OIT3: variants seen among roughly 807,000 people sequenced by gnomAD.
OIT3 encodes the protein oncoprotein-induced transcript 3 protein.
OIT3 carries 41 observed loss-of-function variants against 52.2 expected under a neutral mutation model. That is an observed-to-expected ratio of 0.79 (90% confidence interval 0.61 to 1.02). The LOEUF is 1.02. Among genes scored for constraint, OIT3 ranks in the 50% least tolerant of loss-of-function variants. OIT3 has a pLI of 0.00. For missense variants in OIT3, 634 were observed against 715.5 expected, an observed-to-expected ratio of 0.89 and a Z score of 1.30; for synonymous variants, 244 against 276.9, an observed-to-expected ratio of 0.88 and a Z score of 1.18.
At position 72,898,189 on chromosome 10, in the gene OIT3, G is replaced by C. The variant is rs150093298; in HGVS notation, c.62-475G>C. ...GTGGTCCCAGCTACTTCAGAGGCTG[G>C]GTGGGGAGGATCACTTGAGCCCAGG... On this transcript the variant is annotated intron_variant, in intron 1 of 8. Transcript: ENST00000334011. Among the ~76,000 whole-genome samples the C allele has an allele frequency of 6.5e-3, 989 of 151,818 alleles. 15 individuals carry two copies. Among genetic ancestry groups the C allele is most frequent in the African/African-American group, 0.023 (934 of 41,404 alleles).
chr10:72,915,655 G>T (rs986704032), intron 6 of OIT3, among the ~76,000 whole-genome samples: 2 of 152,068 alleles, frequency 1.3e-5, no homozygotes, highest in Non-Finnish European at 2.9e-5. Flanking sequence ...TAGCCTCCTT[G>T]TGCTTAGGAT....
At chr10:72,930,812 G>A (rs532157157) in intron 8 of OIT3, among the ~76,000 whole-genome samples, 175 bp downstream of exon 8, 8 of 151,020 alleles carry the variant, frequency 5.3e-5, no homozygotes, top group African/African-American at 7.3e-5. Context: ...TGTCACACCC[G>A]CCCTGCCTGC....
intron 1 of OIT3, 121 bp from the exon 2 acceptor site, chr10:72,898,543 T>A (rs1845897215): frequency 1.1e-5 from 10 of 917,714 alleles, no homozygotes; most frequent in Non-Finnish European, 1.7e-5. Context: ...TTTGTGACCT[T>A]AACTAATTTC....
intron 1 of OIT3, among the ~76,000 whole-genome samples, chr10:72,897,765 T>C (rs1191131229): frequency 1.3e-5 from 2 of 152,216 alleles, no homozygotes; most frequent in Non-Finnish European, 2.9e-5. Context: ...CATGACTGGA[T>C]AGCTGAACTG....
intron 3 of OIT3, among the ~76,000 whole-genome samples, chr10:72,904,219 G>T (rs1845959139): frequency 6.6e-6 from 1 of 152,138 alleles, no homozygotes; most frequent in South Asian, 2.1e-4. Flanking sequence ...CCTTAGAGTT[G>T]TAAGCCCTTA....
chr10:72,903,508 G>A (rs919114857), intron 3 of OIT3, among the ~76,000 whole-genome samples: 8 of 152,152 alleles, frequency 5.3e-5, no homozygotes, highest in Admixed American at 2.6e-4. Flanking sequence ...GATTACAGGC[G>A]TGAGCCACCA....
In OIT3 at chr10:72,924,243, G is replaced by C. The variant is rs1846147244; in HGVS notation, c.966G>C (p.Lys322Asn). Residue 322 changes from lysine to asparagine, a missense_variant, in exon 7 of 9, where the codon AAG (lysine) becomes AAC (asparagine). Lys to Asn is a moderately conservative substitution (Grantham distance 94, BLOSUM62 0). Transcript: ENST00000334011. ...GCCTGGCTCAGGTGGTGAATGACAA[G>C]ATTGTGGCCAGCAACCTCGTGACAG... The part of the protein sequence containing the change: ...CGTVVDVVND[K>N]IVASNLVTGL... 1 of 1,597,086 alleles carries C rather than the reference G, an allele frequency of 6.3e-7. No individual in the cohort carries two copies. Among genetic ancestry groups the C allele is most frequent in the African/African-American group, 1.3e-5 (1 of 74,640 alleles).
At chr10:72,929,445 T>G (rs1040130568) in intron 7 of OIT3, among the ~76,000 whole-genome samples, 1 of 151,882 alleles carries the variant, frequency 6.6e-6, no homozygotes, top group Non-Finnish European at 1.5e-5. Context: ...TTCATGAATA[T>G]CCAAAACTTT....
At chr10:72,913,784 T>G (rs1015649977) in intron 6 of OIT3, 1 of 434,874 alleles carries the variant, frequency 2.3e-6, no homozygotes, top group Non-Finnish European at 4.5e-6. Context: ...AATTATTTTA[T>G]TTGAAGAAAG....
intron 7 of OIT3, among the ~76,000 whole-genome samples, chr10:72,927,054 G>A (rs972319017): frequency 9.9e-5 from 15 of 152,104 alleles, no homozygotes; most frequent in African/African-American, 1.9e-4. Context: ...TGAGAAAAAC[G>A]TAACCTACAA....
chr10:72,930,677 G>T, intron 8 of OIT3, 40 bp downstream of exon 8: 13 of 952,918 alleles, frequency 1.4e-5, no homozygotes, highest in East Asian at 2.6e-5. Flanking sequence ...CTGAACCTGA[G>T]CCTTTTTTTT....
At chr10:72,900,609 C>A in intron 3 of OIT3, 125 bp downstream of exon 3, 1 of 619,314 alleles carries the variant, frequency 1.6e-6, no homozygotes, top group Admixed American at 3.0e-5. Context: ...ATGGTGTTTG[C>A]TTTTTAGTTT....
intron 6 of OIT3, chr10:72,917,770 T>G: frequency 7.1e-7 from 1 of 1,414,878 alleles, no homozygotes; most frequent in Non-Finnish European, 9.9e-7. Flanking sequence ...CTTGCTTGCA[T>G]TTTTGCTTTA....
intron 7 of OIT3, among the ~76,000 whole-genome samples, chr10:72,925,333 C>T (rs761433122): frequency 2.0e-5 from 3 of 152,094 alleles, no homozygotes; most frequent in Non-Finnish European, 4.4e-5. Flanking sequence ...AATGCATTAT[C>T]AATTAGACTC....
chr10:72,925,061 A>G (rs1241829528), intron 7 of OIT3, among the ~76,000 whole-genome samples: 1 of 150,654 alleles, frequency 6.6e-6, no homozygotes, highest in African/African-American at 2.5e-5. Flanking sequence ...CAGTGAGCCA[A>G]GATCGCACCA....
chr10:72,924,797 A>G (rs1024396424), intron 7 of OIT3, among the ~76,000 whole-genome samples, 153 bp downstream of exon 7: 1 of 152,120 alleles, frequency 6.6e-6, no homozygotes, highest in Non-Finnish European at 1.5e-5. Flanking sequence ...AGGTAAAACT[A>G]GTGAGGGAGA....
At position 72,913,465 on chromosome 10, in the gene OIT3, C is replaced by G. The variant is rs759790374; in HGVS notation, c.948C>G (p.Val316=). 6.2e-7 allele frequency: 1 copy of G among 1,603,252 alleles called. No homozygotes were observed. The highest frequency in any genetic ancestry group is 1.3e-5 in the African/African-American group (1 of 74,806). ...LFSLKTCGTV[V]DVVNDKIVAS... Reference sequence around the variant, plus strand: ...CTCTCAAGACATGTGGTACAGTGGTCGATGTAGGTTCCTCCTGGAGGGCAC... The same window carrying G: ...CTCTCAAGACATGTGGTACAGTGGTGGATGTAGGTTCCTCCTGGAGGGCAC... The change falls in exon 6 of 9, where the codon GTC becomes GTG. Residue 316 remains valine (V), a synonymous_variant. Transcript: ENST00000334011.
At chr10:72,921,972 A>C (rs1846125945) in intron 6 of OIT3, among the ~76,000 whole-genome samples, 1 of 152,026 alleles carries the variant, frequency 6.6e-6, no homozygotes, top group Non-Finnish European at 1.5e-5. Flanking sequence ...GCACCCAGCC[A>C]GTTAAAATTC....
chr10:72,909,746 G>C (rs1846013629), intron 4 of OIT3, among the ~76,000 whole-genome samples: 1 of 151,962 alleles, frequency 6.6e-6, no homozygotes, highest in South Asian at 2.1e-4. Flanking sequence ...ATAGGCAACT[G>C]CCACCATGCC....
Sources: allele counts gnomAD v4.1 joint callset (sites outside exome capture counted in the v4.1 genomes callset), GRCh38; gene constraint gnomAD v4.1.1; transcripts MANE v1.5; gene names NCBI Gene and HGNC (gene_info 2026-07-23, HGNC 2026-07-21).